Variants in HTN1 observed in about 807,000 individuals in gnomAD.
HTN1 encodes histatin 1, also known as histatin-1.
HTN1 carries 18 observed loss-of-function variants against 11.2 expected under a neutral mutation model. The ratio of observed to expected loss-of-function variants is 1.61; its 90% CI spans 1.12 to 2.39. The LOEUF is 2.39. Among genes scored for constraint, HTN1 ranks in the 30% most tolerant of loss-of-function variants. The pLI is 0.00. For missense variants in HTN1, 80 were observed against 67.2 expected, an observed-to-expected ratio of 1.19 and a Z score of -0.67; for synonymous variants, 21 against 20.5, an observed-to-expected ratio of 1.02 and a Z score of -0.07.
Position 70,058,709 on chromosome 4 carries a change from T to G in HTN1, c.*163T>G, listed in dbSNP as rs1253959471. The stretch of plus-strand genomic sequence containing the variant: ...AGAAAGACCATGATTTAGTGAATTC[T>G]GTGTTTCATGATACTTCCCTTCCTA... On this transcript the variant is annotated 3_prime_UTR_variant, in exon 6 of 6. Coordinates refer to ENST00000246896, the MANE Select transcript of HTN1 (RefSeq NM_002159.4). The G allele has an allele frequency of 8.5e-5, 13 of 152,196 alleles. No homozygotes were observed. Among genetic ancestry groups the G allele is most frequent in the Admixed American group, 8.5e-4 (13 of 15,272 alleles). The allele number at this position is 152,196 out of a possible 1,614,324, so 9.4% of individuals were successfully genotyped here.
intron 1 of HTN1, among the ~76,000 whole-genome samples, chr4:70,051,042 C>T (rs575898596): frequency 6.6e-6 from 1 of 152,218 alleles, no homozygotes; most frequent in Admixed American, 6.6e-5. Context: ...GTATTACATC[C>T]TCTCTGATGG....
At chr4:70,053,212 T>G in intron 2 of HTN1, 85 bp downstream of exon 2, 2 of 861,060 alleles carry the variant, frequency 2.3e-6, no homozygotes, top group Non-Finnish European at 1.9e-6. Flanking sequence ...TGGTATATAC[T>G]CATGTTGACC....
chr4:70,051,428 G>T (rs776996649), intron 1 of HTN1, among the ~76,000 whole-genome samples: 3 of 152,016 alleles, frequency 2.0e-5, no homozygotes, highest in African/African-American at 4.8e-5. Flanking sequence ...TGTTACTTGG[G>T]AAATATGTTT....
chr4:70,052,277 T>G (rs1725913899), intron 1 of HTN1, among the ~76,000 whole-genome samples: 1 of 152,170 alleles, frequency 6.6e-6, no homozygotes, highest in Non-Finnish European at 1.5e-5. Context: ...CTCTGGCTCA[T>G]AGTCACTGAC....
At chr4:70,052,528 AT>A (rs952988030) in intron 1 of HTN1, among the ~76,000 whole-genome samples, 2 of 151,968 alleles carry the variant, frequency 1.3e-5, no homozygotes, top group African/African-American at 4.8e-5. Flanking sequence ...TACTCATTCC[AT>A]ATAATCCAAC....
At chr4:70,055,434 A>G in intron 4 of HTN1, 64 bp from the exon 5 acceptor site, 1 of 1,163,348 alleles carries the variant, frequency 8.6e-7, no homozygotes, top group Admixed American at 1.8e-5. Context: ...ACAGTTTTTG[A>G]GAAACACTTG....
chr4:70,055,551 TTATC>T lies in HTN1; in HGVS notation c.160_163del (p.Leu54MetfsTer12). On this transcript the variant is annotated frameshift_variant, in exon 5 of 6. Transcript: ENST00000246896. LOFTEE classifies it high-confidence loss of function. Reference sequence around the variant, plus strand: ...CATTTTATGGGGACTATGGATCAAATTATCTATATGACAATTGATATCCTTAGTA... The same window carrying T: ...CATTTTATGGGGACTATGGATCAAATTATATGACAATTGATATCCTTAGTA... 1 of 1,582,872 alleles carries T rather than the reference TTATC, an allele frequency of 6.3e-7. No homozygotes were observed. The highest frequency in any genetic ancestry group is 8.7e-7 in the Non-Finnish European group (1 of 1,152,486).
chr4:70,054,001 T>C (rs1578183635), intron 2 of HTN1, among the ~76,000 whole-genome samples: 1 of 152,116 alleles, frequency 6.6e-6, no homozygotes, highest in Non-Finnish European at 1.5e-5. Flanking sequence ...ACATGGAACA[T>C]ATTCATATAA....
At chr4:70,055,328 A>AT (rs35823441) in intron 4 of HTN1, among the ~76,000 whole-genome samples, 170 bp from the exon 5 acceptor site, 1 of 152,058 alleles carries the variant, frequency 6.6e-6, no homozygotes, top group Non-Finnish European at 1.5e-5. Context: ...ACTTTTAGAC[A>AT]TTTTTCTGAT....
Position 70,053,127 on chromosome 4 carries a change from T to G in HTN1, c.51T>G (p.Ile17Met). 6.3e-7 allele frequency: 1 copy of G among 1,597,784 alleles called. No homozygotes were observed. Among genetic ancestry groups the G allele is most frequent in the African/African-American group, 1.3e-5 (1 of 74,720 alleles). The change falls in exon 2 of 6, where the codon ATT (isoleucine) becomes ATG (methionine). Residue 17 changes from isoleucine (I) to methionine (M), a missense_variant and splice_region_variant. By Grantham distance (10) the Ile-to-Met change is conservative (BLOSUM62 1). Coordinates refer to ENST00000246896, the MANE Select transcript of HTN1 (RefSeq NM_002159.4). Reference protein sequence around the residue: ...ALVLALMISMISADSHEKRHH... With the variant: ...ALVLALMISMMSADSHEKRHH... ...TCTTGGCTCTCATGATTTCCATGAT[T>G]GTAAGTATATCTGGAAATTTTAAAT...
chr4:70,053,593 T>C (rs1297956526), intron 2 of HTN1, among the ~76,000 whole-genome samples: 1 of 152,160 alleles, frequency 6.6e-6, no homozygotes, highest in Non-Finnish European at 1.5e-5. Context: ...AAAATAAAGC[T>C]GCTTATTTTA....
chr4:70,057,784 G>A (rs1470020385), intron 5 of HTN1: 3 of 152,156 alleles, frequency 2.0e-5, no homozygotes, highest in Admixed American at 6.6e-5. Flanking sequence ...CACTAACACT[G>A]TACATGGATG....
chr4:70,057,385 G>C (rs578116957), intron 5 of HTN1: 1 of 151,720 alleles, frequency 6.6e-6, no homozygotes, highest in East Asian at 1.9e-4. Context: ...GGATGGAGGG[G>C]AGGGAGTAAG....
At chr4:70,051,712 A>G (rs6854359) in intron 1 of HTN1, among the ~76,000 whole-genome samples, 110,805 of 151,984 alleles carry the variant, frequency 0.73, 40,861 homozygotes, top group African/African-American at 0.84. Context: ...GAAGCAAAAT[A>G]AACGAATAAA....
chr4:70,054,351 T>C lies in HTN1; in HGVS notation c.72+9T>C. ...CTGATTCACATGAAAAGGTAAGACA[T>C]TTTCATTTACGGGAAAACTTGATAA... On this transcript the variant is annotated intron_variant, in intron 3 of 5. Coordinates refer to ENST00000246896, the MANE Select transcript of HTN1 (RefSeq NM_002159.4). 1.3e-6 allele frequency: 2 copies of C among 1,542,548 alleles called. No homozygotes were observed. The highest frequency in any genetic ancestry group is 2.4e-5 in the South Asian group (2 of 81,772).
intron 1 of HTN1, 76 bp from the exon 2 acceptor site, chr4:70,052,988 A>G: frequency 1.2e-6 from 1 of 868,738 alleles, no homozygotes; most frequent in Admixed American, 1.8e-5. Flanking sequence ...TTTGAAGCAT[A>G]GTGTCATCAA....
rs921320537 is a variant in HTN1 at position 70,058,700 on chromosome 4, A to C, written c.*154A>C. 14 of 152,190 alleles carry C rather than the reference A, an allele frequency of 9.2e-5. No individual in the cohort carries two copies. The highest frequency in any genetic ancestry group is 3.4e-4 in the African/African-American group (14 of 41,464). The allele number at this position is 152,190 out of a possible 1,614,324, so 9.4% of individuals were successfully genotyped here. A position where few individuals can be genotyped will look rare whatever the true frequency, so the allele number is the denominator to read the frequency against. ...GAGAATAAAAGAAAGACCATGATTT[A>C]GTGAATTCTGTGTTTCATGATACTT... On this transcript the variant is annotated 3_prime_UTR_variant, in exon 6 of 6. Transcript: ENST00000246896.
chr4:70,051,449 T>C (rs1172651242), intron 1 of HTN1, among the ~76,000 whole-genome samples: 1 of 152,146 alleles, frequency 6.6e-6, no homozygotes, highest in Non-Finnish European at 1.5e-5. Context: ...TTCATAACCA[T>C]TAATTGTATA....
At chr4:70,051,657 A>C (rs1578182434) in intron 1 of HTN1, among the ~76,000 whole-genome samples, 1 of 152,208 alleles carries the variant, frequency 6.6e-6, no homozygotes, top group East Asian at 1.9e-4. Flanking sequence ...AAAATACATA[A>C]TTTTTATAGT....
Sources: gnomAD v4.1 joint callset for allele counts (sites outside exome capture counted in the v4.1 genomes callset) on GRCh38, gnomAD v4.1.1 for gene constraint, MANE v1.5 for transcripts, NCBI Gene and HGNC (gene_info 2026-07-23, HGNC 2026-07-21) for gene names.